The following KDM5B variants were observed in gnomAD, a reference collection of about 807,000 sequenced individuals.
KDM5B encodes the protein lysine-specific demethylase 5B.
Under a neutral mutation model 193.4 loss-of-function variants are expected in KDM5B, and 144 were observed. The ratio of observed to expected loss-of-function variants is 0.74; its 90% CI spans 0.65 to 0.86. The LOEUF is 0.86. KDM5B is among the 40% of genes least tolerant of loss of function. The pLI is 0.00. For missense variants in KDM5B, 1,833 were observed against 1,886.9 expected (o/e 0.97, Z 0.53); for synonymous variants, 668 against 682.6 (o/e 0.98, Z 0.33).
chr1:202,733,976 C>A (rs1572705965), intron 22 of KDM5B, 90 bp from the exon 23 acceptor site: 1 of 1,433,694 alleles, frequency 7.0e-7, no homozygotes, highest in East Asian at 2.3e-5. Context: ...AGCATGGGAT[C>A]CTGAGTAGAT....
intron 4 of KDM5B, among the ~76,000 whole-genome samples, chr1:202,769,662 C>G (rs1280593158): frequency 3.5e-5 from 3 of 86,378 alleles, no homozygotes; most frequent in Non-Finnish European, 6.7e-5. Context: ...CAGCAAGACT[C>G]TGTCTCAAAA....
intron 1 of KDM5B, among the ~76,000 whole-genome samples, chr1:202,782,753 C>A (rs1394784796): frequency 1.3e-5 from 2 of 152,162 alleles, no homozygotes; most frequent in Non-Finnish European, 2.9e-5. Flanking sequence ...TCATAAATCA[C>A]TTTTTCTAAC....
intron 20 of KDM5B, 109 bp downstream of exon 20, chr1:202,740,565 C>T (rs867545862): frequency 9.0e-5 from 92 of 1,016,728 alleles, no homozygotes; most frequent in African/African-American, 6.3e-4. Context: ...CCGGACGGGG[C>T]GGCTGGCCGG....
intron 20 of KDM5B, among the ~76,000 whole-genome samples, chr1:202,738,248 T>TAA (rs1236303747): frequency 6.6e-6 from 1 of 152,138 alleles, no homozygotes; most frequent in African/African-American, 2.4e-5. Context: ...ATGAAGGAAA[T>TAA]AAACTCATCC....
intron 20 of KDM5B, among the ~76,000 whole-genome samples, chr1:202,737,062 G>GA (rs1248236187): frequency 2.0e-5 from 3 of 151,976 alleles, no homozygotes; most frequent in Non-Finnish European, 4.4e-5. Context: ...TTAACAGTTT[G>GA]AAAAAAATTT....
chr1:202,777,451 A>G (rs945368075), intron 1 of KDM5B, among the ~76,000 whole-genome samples: 1 of 151,304 alleles, frequency 6.6e-6, no homozygotes, highest in South Asian at 2.1e-4. Context: ...CTATATGTCT[A>G]TAACTTTAAA....
chr1:202,740,496 G>A (rs71524469), intron 20 of KDM5B, among the ~76,000 whole-genome samples, 178 bp downstream of exon 20: 48,709 of 134,544 alleles, frequency 0.36, 9,327 homozygotes, highest in Non-Finnish European at 0.48. Context: ...GCGGCTGGCC[G>A]GGCAGAGGGG....
chr1:202,752,759 G>GTAC, intron 12 of KDM5B, 146 bp downstream of exon 12: 1 of 714,938 alleles, frequency 1.4e-6, no homozygotes, highest in Non-Finnish European at 2.3e-6. Flanking sequence ...TAAATGTACA[G>GTAC]TACTGCAGCA....
At chr1:202,731,331 C>T (rs865921182) in intron 24 of KDM5B, among the ~76,000 whole-genome samples, 6 of 152,336 alleles carry the variant, frequency 3.9e-5, no homozygotes, top group Middle Eastern at 3.4e-3. Context: ...ATTGCTAATG[C>T]AGAAGAGATT....
chr1:202,755,421 T>A lies in KDM5B; in HGVS notation c.1388A>T (p.Asn463Ile), dbSNP rs771350972. ...GACAGACTGCTCCATCACTGGCATG[T>A]TGTTCAAATTCCAGCCACTATCAAG... is the stretch of plus-strand genomic sequence containing the variant. ...EYLDSGWNLN[N>I]MPVMEQSVLA... The change falls in exon 11 of 27, where the codon AAC (asparagine) becomes ATC (isoleucine). Residue 463 changes from asparagine (N) to isoleucine (I), a missense_variant. Physicochemically the swap from Asn to Ile is moderately radical, Grantham distance 149 (BLOSUM62 -3). This residue lies in a region of KDM5B where 1,379 missense variants were observed against 1,349.6 expected (regional missense o/e 1.02). Coordinates refer to ENST00000367265, the MANE Select transcript of KDM5B (RefSeq NM_006618.5). 2 of 1,613,836 alleles carry A rather than the reference T, an allele frequency of 1.2e-6. No homozygotes were observed. The highest frequency in any genetic ancestry group is 2.2e-5 in the South Asian group (2 of 91,058).
intron 25 of KDM5B, among the ~76,000 whole-genome samples, chr1:202,730,423 G>A (rs1452590832): frequency 6.6e-6 from 1 of 152,122 alleles, no homozygotes; most frequent in Non-Finnish European, 1.5e-5. Context: ...AGGCTCCTGA[G>A]GAACCACACT....
chr1:202,757,315 G>A (rs911220008), intron 9 of KDM5B, among the ~76,000 whole-genome samples: 1 of 152,178 alleles, frequency 6.6e-6, no homozygotes, highest in African/African-American at 2.4e-5. Flanking sequence ...GTTGGGAAAG[G>A]GTGGTTGGGG....
intron 1 of KDM5B, chr1:202,807,307 C>G (rs1658337859): frequency 6.6e-6 from 1 of 152,424 alleles, no homozygotes; most frequent in Non-Finnish European, 1.5e-5. Context: ...TGTGCGCGTT[C>G]GGGAGCGCGG....
chr1:202,742,474 G>C lies in KDM5B; in HGVS notation c.2506C>G (p.Gln836Glu), dbSNP rs781506240. Residue 836 changes from glutamine (Q) to glutamate (E), a missense_variant, in exon 18 of 27, where the codon CAG becomes GAG. Gln to Glu is a conservative substitution (Grantham distance 29, BLOSUM62 2). This residue lies in a region of KDM5B where 1,379 missense variants were observed against 1,349.6 expected (regional missense o/e 1.02). Transcript: ENST00000367265. ...TGCCGGAGCTCATTCACTGTCAACT[G>C]ATTTTGGGATTTCCCTCCACCAGAT... ...YRSGGGKSQN[Q>E]LTVNELRQFV... 1 of 1,613,912 alleles carries C rather than the reference G, an allele frequency of 6.2e-7. No individual in the cohort carries two copies. Among genetic ancestry groups the C allele is most frequent in the Admixed American group, 1.7e-5 (1 of 60,002 alleles).
rs991670534 is a variant in KDM5B, at chr1:202,767,199, T to C, written c.577-139A>G. 7.1e-6 allele frequency: 11 copies of C among 1,554,602 alleles called. No individual in the cohort carries two copies. The African/African-American group carries it at 1.4e-4, about 19-fold the overall frequency. ...GCTGCACCTCTTAAAATACTCTTCATATCTGTTAAATGGAGGAACTGAAAC... is the reference window on the plus strand; with the variant it reads ...GCTGCACCTCTTAAAATACTCTTCACATCTGTTAAATGGAGGAACTGAAAC... On this transcript the variant is annotated intron_variant, in intron 4 of 26. Coordinates refer to ENST00000367265, the MANE Select transcript of KDM5B (RefSeq NM_006618.5).
chr1:202,767,270 T>C (rs1656508787), intron 4 of KDM5B: 4 of 1,607,388 alleles, frequency 2.5e-6, no homozygotes, highest in Admixed American at 3.3e-5. Flanking sequence ...AGGAAGGGTA[T>C]AGCAAACGCA....
chr1:202,729,098 C>T lies in KDM5B; in HGVS notation c.4573G>A (p.Ala1525Thr). ...QVCVGVSPEM[A>T]EKEDYICVRC... is the part of the protein sequence containing the mutation. ...ACACAGATGTAGTCTTCTTTCTCTG[C>T]CATCTCTGGGGAGACACCAACACAG... Residue 1525 changes from alanine (A) to threonine (T), a missense_variant, in exon 27 of 27, where the codon GCA (alanine) becomes ACA (threonine). Ala to Thr is a moderately conservative substitution (Grantham distance 58). Coordinates refer to ENST00000367265, the MANE Select transcript of KDM5B (RefSeq NM_006618.5). The T allele has an allele frequency of 6.2e-7, 1 of 1,614,142 alleles. No individual in the cohort carries two copies. Among genetic ancestry groups the T allele is most frequent in the Non-Finnish European group, 8.5e-7 (1 of 1,180,004 alleles).
chr1:202,766,590 T>C (rs1656471516), intron 5 of KDM5B: 2 of 432,624 alleles, frequency 4.6e-6, no homozygotes, highest in South Asian at 1.9e-5. Flanking sequence ...TCTTCATGTT[T>C]TCTAGCCTTA....
intron 26 of KDM5B, 64 bp from the exon 27 acceptor site, chr1:202,729,237 C>A: frequency 6.3e-7 from 1 of 1,589,448 alleles, no homozygotes. Flanking sequence ...ATTGGGCAGG[C>A]CAGCCTCAAG....
Sources: gnomAD v4.1 joint callset for allele counts (sites outside exome capture counted in the v4.1 genomes callset) on GRCh38, gnomAD v4.1.1 for gene constraint, gnomAD v4.1.1 regional missense constraint, MANE v1.5 for transcripts, NCBI Gene and HGNC (gene_info 2026-07-23, HGNC 2026-07-21) for gene names.